Variants in SLC39A11 observed in about 807,000 individuals in gnomAD.
The protein encoded by SLC39A11 is zinc transporter ZIP11.
Under a neutral mutation model 36.1 loss-of-function variants are expected in SLC39A11, and 33 were observed. That is an observed-to-expected ratio of 0.91 (90% CI 0.69 to 1.22). SLC39A11 has a LOEUF of 1.22. Ranked by LOEUF, SLC39A11 falls within the 50% of genes most tolerant of loss-of-function variation. The pLI is 0.00. For synonymous variants in SLC39A11, 166 were observed against 170.3 expected (o/e 0.97, Z 0.20); for missense variants, 432 against 430.3 (o/e 1.00, Z -0.03).
intron 6 of SLC39A11, among the ~76,000 whole-genome samples, chr17:72,830,362 T>A (rs2078227630): frequency 6.6e-6 from 1 of 151,818 alleles, no homozygotes; most frequent in Non-Finnish European, 1.5e-5. Context: ...AACACCAGAA[T>A]TAAGAGGAAG....
chr17:72,736,766 A>G, intron 6 of SLC39A11, 47 bp from the exon 7 acceptor site: 6 of 1,430,282 alleles, frequency 4.2e-6, no homozygotes, highest in Non-Finnish European at 5.9e-6. Context: ...ATATTTCCCC[A>G]TAAGGAACAT....
intron 6 of SLC39A11, among the ~76,000 whole-genome samples, chr17:72,791,506 G>T (rs1598750190): frequency 1.3e-5 from 2 of 152,292 alleles, no homozygotes; most frequent in Non-Finnish European, 2.9e-5. Flanking sequence ...GACAAAAATA[G>T]CAAATTGCAA....
intron 6 of SLC39A11, among the ~76,000 whole-genome samples, chr17:72,741,787 T>C (rs2567475): frequency 0.37 from 55,742 of 151,946 alleles, 14,077 homozygotes; most frequent in African/African-American, 0.72. Context: ...GGTCCTTCAT[T>C]ACTCAAGGAA....
chr17:72,724,726 G>A (rs1015175536), intron 7 of SLC39A11, among the ~76,000 whole-genome samples: 1 of 152,056 alleles, frequency 6.6e-6, no homozygotes, highest in African/African-American at 2.4e-5. Context: ...AGTGCAGAGG[G>A]GAACTTTCAT....
chr17:73,015,389 C>T (rs546066110), intron 4 of SLC39A11, among the ~76,000 whole-genome samples: 13 of 152,148 alleles, frequency 8.5e-5, no homozygotes, highest in South Asian at 4.1e-4. Context: ...CACTGGATAA[C>T]GTCACGACCT....
At chr17:72,744,219 G>T (rs1439691081) in intron 6 of SLC39A11, among the ~76,000 whole-genome samples, 1 of 152,230 alleles carries the variant, frequency 6.6e-6, no homozygotes, top group Non-Finnish European at 1.5e-5. Flanking sequence ...TGTGTTCAAT[G>T]AAATGTACCT....
intron 7 of SLC39A11, among the ~76,000 whole-genome samples, chr17:72,688,463 C>T (rs4625760): frequency 0.65 from 99,625 of 152,154 alleles, 32,751 homozygotes; most frequent in South Asian, 0.71. Context: ...CAGGCCATAC[C>T]ATGTGTGCCT....
At chr17:73,022,147 G>A (rs1455068383) in intron 4 of SLC39A11, among the ~76,000 whole-genome samples, 1 of 152,154 alleles carries the variant, frequency 6.6e-6, no homozygotes, top group African/African-American at 2.4e-5. Flanking sequence ...AACACACATG[G>A]GCATACAAAT....
chr17:72,790,361 C>T (rs1255224400), intron 6 of SLC39A11, among the ~76,000 whole-genome samples: 1 of 152,166 alleles, frequency 6.6e-6, no homozygotes, highest in Non-Finnish European at 1.5e-5. Context: ...GTAGGCAGTG[C>T]TCATCTGAAC....
chr17:72,920,360 C>G (rs1269033543), intron 5 of SLC39A11, among the ~76,000 whole-genome samples: 1 of 151,300 alleles, frequency 6.6e-6, no homozygotes, highest in African/African-American at 2.4e-5. Context: ...TTCTACCATT[C>G]TCTGCTTGGG....
chr17:72,901,901 A>T (rs1228947057), intron 5 of SLC39A11, among the ~76,000 whole-genome samples: 1 of 152,174 alleles, frequency 6.6e-6, no homozygotes, highest in Non-Finnish European at 1.5e-5. Context: ...AACAGGAAAC[A>T]GGGTCTTTGC....
intron 7 of SLC39A11, among the ~76,000 whole-genome samples, chr17:72,734,533 A>G (rs537630477): frequency 2.0e-5 from 3 of 152,168 alleles, no homozygotes; most frequent in Admixed American, 2.0e-4. Flanking sequence ...CCCCGACTCC[A>G]CCCCAGTTAG....
intron 6 of SLC39A11, among the ~76,000 whole-genome samples, chr17:72,752,220 A>C (rs897516399): frequency 2.6e-5 from 4 of 152,106 alleles, no homozygotes; most frequent in Non-Finnish European, 5.9e-5. Context: ...CTGCATCCCA[A>C]GTTACCTCTC....
chr17:73,046,345 G>C (rs903103), intron 3 of SLC39A11, among the ~76,000 whole-genome samples: 8,988 of 152,184 alleles, frequency 0.059, 566 homozygotes, highest in East Asian at 0.4. Flanking sequence ...TCACCAGAGG[G>C]ATGCAGCAGT....
At chr17:73,075,419 G>A (rs1326508638) in intron 3 of SLC39A11, among the ~76,000 whole-genome samples, 1 of 152,162 alleles carries the variant, frequency 6.6e-6, no homozygotes, top group African/African-American at 2.4e-5. Context: ...CCATTATCTA[G>A]CAATTTTCAA....
Position 72,846,018 on chromosome 17 carries a change from C to CTTTTTTTTTTTTTTT in SLC39A11, c.601+3601_601+3615dup, listed in dbSNP as rs569100122. Among the ~76,000 whole-genome samples, 130 of 57,954 alleles carry CTTTTTTTTTTTTTTT rather than the reference C, an allele frequency of 2.2e-3. 25 individuals are homozygous for CTTTTTTTTTTTTTTT. Among genetic ancestry groups the CTTTTTTTTTTTTTTT allele is most frequent in the African/African-American group, 6.0e-3 (70 of 11,708 alleles). The allele number at this position is 57,954 out of a possible 152,430, so 38.0% of individuals were successfully genotyped here. On this transcript the variant is annotated intron_variant, in intron 6 of 9. Coordinates refer to ENST00000255559, the MANE Select transcript of SLC39A11 (RefSeq NM_139177.4). ...CCAATGAATCTCTCTCTCTCTCTCT[C>CTTTTTTTTTTTTTTT]TTTTTTTTTTTTTTTTTTTTTTTTT...
chr17:72,856,446 G>A (rs544660615), intron 5 of SLC39A11, among the ~76,000 whole-genome samples: 5 of 152,208 alleles, frequency 3.3e-5, no homozygotes, highest in South Asian at 4.1e-4. Context: ...CCTGTGATCC[G>A]CTTAGGTTTG....
intron 6 of SLC39A11, among the ~76,000 whole-genome samples, chr17:72,769,626 C>T (rs2075867810): frequency 6.6e-6 from 1 of 151,830 alleles, no homozygotes; most frequent in South Asian, 2.1e-4. Flanking sequence ...CTCACTGCAA[C>T]CTCCCCCTCC....
At chr17:73,013,074 C>A (rs1353318567) in intron 4 of SLC39A11, among the ~76,000 whole-genome samples, 1 of 151,890 alleles carries the variant, frequency 6.6e-6, no homozygotes, top group Non-Finnish European at 1.5e-5. Flanking sequence ...GCTGGGATTA[C>A]AGGCGTGAAC....
Sources: allele counts gnomAD v4.1 joint callset (sites outside exome capture counted in the v4.1 genomes callset), GRCh38; gene constraint gnomAD v4.1.1; transcripts MANE v1.5; gene names NCBI Gene and HGNC (gene_info 2026-07-23, HGNC 2026-07-21).